The following MED12L variants were observed in gnomAD, a reference collection of about 807,000 sequenced individuals.
MED12L encodes mediator of RNA polymerase II transcription subunit 12-like protein.
Under a neutral mutation model 281.3 loss-of-function variants are expected in MED12L, and 60 were observed. The ratio of observed to expected loss-of-function variants is 0.21; its 90% CI spans 0.17 to 0.26. The LOEUF is 0.26. MED12L is among the 10% of genes least tolerant of loss of function. The probability of loss-of-function intolerance (pLI) is 1.00; values close to 1 mark genes in which losing one functional copy is unlikely to be tolerated. For synonymous variants in MED12L, 974 were observed against 987.2 expected, an observed-to-expected ratio of 0.99 and a Z score of 0.25; for missense variants, 2,146 against 2,680.9, an observed-to-expected ratio of 0.80 and a Z score of 4.41.
At chr3:151,378,338 T>C (rs185244355) in intron 31 of MED12L, among the ~76,000 whole-genome samples, 165 bp downstream of exon 31, 9 of 152,310 alleles carry the variant, frequency 5.9e-5, no homozygotes, top group Non-Finnish European at 1.2e-4. Flanking sequence ...TCCTAAAAAA[T>C]TTCAGGTTAT....
chr3:151,340,229 A>G (rs1445044050), intron 16 of MED12L, among the ~76,000 whole-genome samples: 1 of 152,194 alleles, frequency 6.6e-6, no homozygotes, highest in Non-Finnish European at 1.5e-5. Context: ...ACCGTTTTGG[A>G]AATTCGACTT....
At chr3:151,110,779 G>C (rs1370629131) in intron 2 of MED12L, among the ~76,000 whole-genome samples, 1 of 151,992 alleles carries the variant, frequency 6.6e-6, no homozygotes, top group Non-Finnish European at 1.5e-5. Flanking sequence ...TGTGTGTGTA[G>C]CTTTGCATTT....
intron 6 of MED12L, among the ~76,000 whole-genome samples, chr3:151,156,782 A>C (rs1719346263): frequency 6.6e-6 from 1 of 152,152 alleles, no homozygotes; most frequent in Non-Finnish European, 1.5e-5. Flanking sequence ...TTTAGGAATG[A>C]CTGAACTCTC....
intron 16 of MED12L, among the ~76,000 whole-genome samples, chr3:151,239,161 C>T (rs1019811095): frequency 1.3e-5 from 2 of 152,168 alleles, no homozygotes; most frequent in African/African-American, 2.4e-5. Flanking sequence ...TTACAAATTT[C>T]TGCATGAATG....
intron 16 of MED12L, among the ~76,000 whole-genome samples, chr3:151,215,291 A>C (rs985772934): frequency 6.6e-6 from 1 of 152,234 alleles, no homozygotes; most frequent in African/African-American, 2.4e-5. Flanking sequence ...AGCACTTGAA[A>C]TATGGCCAGT....
At chr3:151,232,033 G>T (rs181321040) in intron 16 of MED12L, among the ~76,000 whole-genome samples, 2 of 152,030 alleles carry the variant, frequency 1.3e-5, no homozygotes, top group African/African-American at 4.8e-5. Flanking sequence ...TTGAGGGAAG[G>T]GTCCTGTGCT....
chr3:151,376,546 A>C (rs1329231396), intron 28 of MED12L, among the ~76,000 whole-genome samples: 1 of 152,176 alleles, frequency 6.6e-6, no homozygotes, highest in East Asian at 1.9e-4. Flanking sequence ...TTGAAAGGAG[A>C]AATGCTTATT....
At chr3:151,253,950 A>G (rs1452857349) in intron 16 of MED12L, among the ~76,000 whole-genome samples, 2 of 151,100 alleles carry the variant, frequency 1.3e-5, no homozygotes, top group African/African-American at 4.9e-5. Context: ...CTTCTAGTCC[A>G]AGGAATGGAT....
intron 5 of MED12L, among the ~76,000 whole-genome samples, chr3:151,129,603 A>T (rs1304297617): frequency 6.6e-6 from 1 of 152,116 alleles, no homozygotes; most frequent in African/African-American, 2.4e-5. Flanking sequence ...AAGTAGATAC[A>T]ACATGATGTT....
intron 16 of MED12L, among the ~76,000 whole-genome samples, chr3:151,345,705 A>G (rs1752454774): frequency 6.6e-6 from 1 of 151,648 alleles, no homozygotes. Flanking sequence ...TTTAGTAGAG[A>G]TGGAGTTTTC....
At chr3:151,400,186 A>G (rs1426557700) in intron 39 of MED12L, among the ~76,000 whole-genome samples, 1 of 152,214 alleles carries the variant, frequency 6.6e-6, no homozygotes, top group Non-Finnish European at 1.5e-5. Context: ...TGCAGAAGCA[A>G]TCTAAAGTTT....
chr3:151,176,243 G>A (rs1266687803), intron 11 of MED12L, among the ~76,000 whole-genome samples: 1 of 152,078 alleles, frequency 6.6e-6, no homozygotes, highest in African/African-American at 2.4e-5. Flanking sequence ...ACTGTAAAAT[G>A]ATAGGATTGT....
chr3:151,187,000 C>G (rs2149080569), intron 12 of MED12L, among the ~76,000 whole-genome samples: 1 of 152,276 alleles, frequency 6.6e-6, no homozygotes, highest in East Asian at 1.9e-4. Flanking sequence ...TCTTGTGAAG[C>G]TAGTAAAAAT....
At chr3:151,432,728 G>A in intron 44 of MED12L, 24 bp from the exon 45 acceptor site, 1 of 1,597,624 alleles carries the variant, frequency 6.3e-7, no homozygotes, top group Non-Finnish European at 8.6e-7. Flanking sequence ...CTGTAATTTT[G>A]GTTCAATTTA....
In MED12L at chr3:151,360,482, G is replaced by A; in HGVS notation, c.2834G>A (p.Gly945Asp). 1 of 1,612,108 alleles carries A rather than the reference G, an allele frequency of 6.2e-7. No homozygotes were observed. Among genetic ancestry groups the A allele is most frequent in the Non-Finnish European group, 8.5e-7 (1 of 1,178,846 alleles). ...QTAQVFEGLCGVVKHVVNPSE... is the reference protein window; with the variant it reads ...QTAQVFEGLCDVVKHVVNPSE... The stretch of plus-strand genomic sequence containing the variant: ...TATATTTTTCTCCTCAGGTTGTGTG[G>A]TGTGGTCAAGCATGTCGTAAACCCC... The change falls in exon 21 of 45, where the codon GGT becomes GAT. Residue 945 changes from glycine (G) to aspartate (D), a missense_variant. This residue lies in a region of MED12L where 404 missense variants were observed against 603.5 expected (regional missense o/e 0.67). Transcript: ENST00000687756.
intron 38 of MED12L, among the ~76,000 whole-genome samples, chr3:151,392,025 AGTTT>A (rs1714299642): frequency 6.6e-6 from 1 of 152,184 alleles, no homozygotes; most frequent in African/African-American, 2.4e-5. Context: ...TAGATGTAGA[AGTTT>A]GTTTGTAGAT....
At chr3:151,417,487 C>CCTTT (rs1717736742) in intron 43 of MED12L, among the ~76,000 whole-genome samples, 16 of 78,816 alleles carry the variant, frequency 2.0e-4, no homozygotes, top group East Asian at 3.8e-4. Context: ...CCCCCCCCGC[C>CCTTT]TTTTTTTTTT....
At chr3:151,348,340 C>CAA (rs11382065) in intron 16 of MED12L, among the ~76,000 whole-genome samples, 205 of 87,790 alleles carry the variant, frequency 2.3e-3, no homozygotes, top group African/African-American at 4.4e-3. Context: ...ACCACCAGAC[C>CAA]AAAAAAAAAA....
intron 20 of MED12L, 108 bp from the exon 21 acceptor site, chr3:151,360,359 AATCCAAT>A: frequency 1.1e-6 from 1 of 903,750 alleles, no homozygotes; most frequent in Non-Finnish European, 1.7e-6. Flanking sequence ...TAGTTTCAAC[AATCCAAT>A]ATCCTTTTTC....
Sources: gnomAD v4.1 joint callset for allele counts (sites outside exome capture counted in the v4.1 genomes callset) on GRCh38, gnomAD v4.1.1 for gene constraint, gnomAD v4.1.1 regional missense constraint, MANE v1.5 for transcripts, NCBI Gene and HGNC (gene_info 2026-07-23, HGNC 2026-07-21) for gene names.